OXR1: variants seen among roughly 807,000 people sequenced by gnomAD.
OXR1 encodes the protein oxidation resistance protein 1.
In OXR1, 41 loss-of-function variants were observed where a neutral mutation model predicts 104.6. The ratio of observed to expected loss-of-function variants is 0.39; its 90% CI spans 0.31 to 0.51. The LOEUF is 0.51. OXR1 is among the 20% of genes least tolerant of loss of function. OXR1 has a pLI of 0.77. For synonymous variants in OXR1, 348 were observed against 348.4 expected, an observed-to-expected ratio of 1.00 and a Z score of 0.01; for missense variants, 955 against 1,031.9, an observed-to-expected ratio of 0.93 and a Z score of 1.02.
intron 1 of OXR1, among the ~76,000 whole-genome samples, chr8:106,304,151 A>T (rs1182601204): frequency 1.3e-5 from 2 of 152,168 alleles, no homozygotes; most frequent in Non-Finnish European, 2.9e-5. Flanking sequence ...TCTAAGTGGT[A>T]ACTGGACTCT....
At chr8:106,379,425 C>T (rs886225906) in intron 2 of OXR1, among the ~76,000 whole-genome samples, 1 of 151,536 alleles carries the variant, frequency 6.6e-6, no homozygotes, top group Non-Finnish European at 1.5e-5. Flanking sequence ...TAAGATCATG[C>T]TTTTATTCCT....
At chr8:106,636,282 C>G (rs1190177607) in intron 3 of OXR1, among the ~76,000 whole-genome samples, 2 of 151,896 alleles carry the variant, frequency 1.3e-5, no homozygotes, top group Non-Finnish European at 2.9e-5. Context: ...TCATATAAAC[C>G]CTTTAATGTA....
At chr8:106,624,098 G>A (rs1397034279) in intron 3 of OXR1, among the ~76,000 whole-genome samples, 1 of 152,030 alleles carries the variant, frequency 6.6e-6, no homozygotes, top group Admixed American at 6.6e-5. Context: ...TGTTTCTCTG[G>A]AAAGTCAGGT....
At chr8:106,672,095 T>C (rs975552980) in intron 3 of OXR1, among the ~76,000 whole-genome samples, 2 of 151,146 alleles carry the variant, frequency 1.3e-5, no homozygotes, top group Non-Finnish European at 2.9e-5. Flanking sequence ...CTTTCAGATA[T>C]GTGGGGAAAA....
chr8:106,487,210 G>C (rs1258439001), intron 2 of OXR1, among the ~76,000 whole-genome samples: 1 of 151,740 alleles, frequency 6.6e-6, no homozygotes, highest in African/African-American at 2.4e-5. Context: ...TTTTAGTAGA[G>C]ACGGGGTTTC....
chr8:106,721,216 G>T (rs926248881), intron 11 of OXR1, among the ~76,000 whole-genome samples: 3 of 151,842 alleles, frequency 2.0e-5, no homozygotes, highest in African/African-American at 7.3e-5. Flanking sequence ...GACTTTTCCA[G>T]TCCTTTTGGG....
intron 11 of OXR1, among the ~76,000 whole-genome samples, chr8:106,733,061 T>C (rs1235854502): frequency 6.6e-6 from 1 of 152,166 alleles, no homozygotes; most frequent in Non-Finnish European, 1.5e-5. Context: ...AATACATATC[T>C]TTCTTTCTTT....
At chr8:106,565,999 C>G (rs2130527076) in intron 3 of OXR1, among the ~76,000 whole-genome samples, 1 of 152,096 alleles carries the variant, frequency 6.6e-6, no homozygotes, top group Non-Finnish European at 1.5e-5. Flanking sequence ...ATTTAAATGT[C>G]AGACTCAAAA....
intron 6 of OXR1, among the ~76,000 whole-genome samples, chr8:106,690,054 A>G (rs1829123899): frequency 6.6e-6 from 1 of 150,916 alleles, no homozygotes; most frequent in South Asian, 2.1e-4. Context: ...AATATCTATC[A>G]TATACAATAT....
intron 1 of OXR1, among the ~76,000 whole-genome samples, chr8:106,271,306 A>G (rs757294647): frequency 3.9e-5 from 6 of 152,128 alleles, no homozygotes; most frequent in Admixed American, 2.0e-4. Context: ...GGAGATTTAA[A>G]TAGACATTAG....
intron 3 of OXR1, among the ~76,000 whole-genome samples, chr8:106,578,185 T>G (rs1817989769): frequency 6.6e-6 from 1 of 152,198 alleles, no homozygotes; most frequent in African/African-American, 2.4e-5. Context: ...TCAGCAGCCA[T>G]GTGCAGGGTT....
At chr8:106,606,962 A>G (rs1820449458) in intron 3 of OXR1, among the ~76,000 whole-genome samples, 1 of 152,208 alleles carries the variant, frequency 6.6e-6, no homozygotes, top group African/African-American at 2.4e-5. Context: ...GAAAATGCCA[A>G]CTGACCAATG....
At chr8:106,406,210 A>G (rs532440130) in intron 2 of OXR1, among the ~76,000 whole-genome samples, 15 of 152,314 alleles carry the variant, frequency 9.8e-5, no homozygotes, top group Non-Finnish European at 2.1e-4. Flanking sequence ...ATTGATCCCC[A>G]AAATGGCTGT....
chr8:106,538,304 T>C (rs568280312), intron 3 of OXR1, among the ~76,000 whole-genome samples: 1 of 152,374 alleles, frequency 6.6e-6, no homozygotes, highest in East Asian at 1.9e-4. Flanking sequence ...TTATTACTTT[T>C]TAATTTTAAT....
intron 3 of OXR1, among the ~76,000 whole-genome samples, chr8:106,555,928 G>GTA (rs371162000): frequency 0.41 from 57,628 of 142,284 alleles, 12,017 homozygotes; most frequent in South Asian, 0.54. Flanking sequence ...GTATATATAT[G>GTA]TACATATATA....
intron 13 of OXR1, among the ~76,000 whole-genome samples, chr8:106,740,075 A>G (rs941271786): frequency 1.3e-5 from 2 of 152,180 alleles, no homozygotes; most frequent in Admixed American, 6.6e-5. Context: ...AGGCAAAAGC[A>G]TTAAGTAATC....
chr8:106,750,319 CT>C (rs35342472), intron 16 of OXR1, among the ~76,000 whole-genome samples: 17,241 of 67,812 alleles, frequency 0.25, 1,692 homozygotes, highest in East Asian at 0.51. Flanking sequence ...CTTTTCTTTT[CT>C]TTTCTTTTTT....
At chr8:106,638,498 G>A (rs1276028791) in intron 3 of OXR1, among the ~76,000 whole-genome samples, 1 of 152,092 alleles carries the variant, frequency 6.6e-6, no homozygotes, top group Non-Finnish European at 1.5e-5. Flanking sequence ...TGTATCACTG[G>A]ATTTGAGGTG....
chr8:106,570,838 A>G (rs1336554288), intron 3 of OXR1, among the ~76,000 whole-genome samples: 3 of 152,186 alleles, frequency 2.0e-5, no homozygotes, highest in Non-Finnish European at 4.4e-5. Context: ...TATCTTATTC[A>G]CATTCAGCAA....
Sources: gnomAD v4.1 joint callset for allele counts (sites outside exome capture counted in the v4.1 genomes callset) on GRCh38, gnomAD v4.1.1 for gene constraint, MANE v1.5 for transcripts, NCBI Gene and HGNC (gene_info 2026-07-23, HGNC 2026-07-21) for gene names.